LDB2: variants seen among roughly 807,000 people sequenced by gnomAD.
The protein encoded by LDB2 is LIM domain-binding protein 2.
In LDB2, 12 loss-of-function variants were observed where a neutral mutation model predicts 44.3. The observed-to-expected ratio is 0.27, with a 90% confidence interval of 0.17 to 0.44. The LOEUF is 0.44. Ranked by LOEUF, LDB2 falls within the 20% of genes least tolerant of loss-of-function variation. LDB2 has a pLI of 1.00. For missense variants in LDB2, 344 were observed against 473.5 expected (o/e 0.73, Z 2.54); for synonymous variants, 164 against 174.8 (o/e 0.94, Z 0.49).
In LDB2 at chr4:16,662,663, T is replaced by C. The variant is rs200987246; in HGVS notation, c.236-66788A>G. ...TTTTTTTTTTGGGTGTGTGCTGTTC[T>C]CATGATAGTGAATAAGTCTCATGTG... On this transcript the variant is annotated intron_variant, in intron 2 of 7. Coordinates refer to ENST00000304523, the MANE Select transcript of LDB2 (RefSeq NM_001290.5). Among the ~76,000 whole-genome samples, 59 of 152,208 alleles carry C rather than the reference T, an allele frequency of 3.9e-4. No homozygotes were observed. In the East Asian group the frequency reaches 0.011, roughly 28 times the overall value.
intron 5 of LDB2, among the ~76,000 whole-genome samples, chr4:16,562,050 T>C (rs896440562): frequency 5.9e-5 from 9 of 152,076 alleles, no homozygotes; most frequent in Admixed American, 1.3e-4. Context: ...CTTCCTTACA[T>C]CTTATACAAA....
chr4:16,759,443 C>A (rs1767403897), intron 1 of LDB2, 183 bp from the exon 2 acceptor site: 2 of 561,366 alleles, frequency 3.6e-6, no homozygotes, highest in South Asian at 2.4e-5. Context: ...CAAATAGGAA[C>A]CAAATTCCAA....
At chr4:16,563,615 A>AT (rs1272116766) in intron 5 of LDB2, among the ~76,000 whole-genome samples, 3,169 of 135,998 alleles carry the variant, frequency 0.023, 56 homozygotes, top group East Asian at 0.089. Flanking sequence ...CGCCTGGCTA[A>AT]TTTTTTTTTT....
chr4:16,614,842 G>A lies in LDB2; in HGVS notation c.236-18967C>T, dbSNP rs545739673. Among the ~76,000 whole-genome samples, 53 of 151,040 alleles carry A rather than the reference G, an allele frequency of 3.5e-4. No individual in the cohort carries two copies. In the South Asian group the frequency reaches 8.2e-3, roughly 23 times the overall value. On this transcript the variant is annotated intron_variant, in intron 2 of 7. Coordinates refer to ENST00000304523, the MANE Select transcript of LDB2 (RefSeq NM_001290.5). ...TCCCAGCACTTTGGGAGGCCGAGGC[G>A]GGCGGATCATGAGGTCAGGAGATCG... is the stretch of plus-strand genomic sequence containing the variant.
At chr4:16,689,877 T>G (rs1750213943) in intron 2 of LDB2, among the ~76,000 whole-genome samples, 1 of 152,216 alleles carries the variant, frequency 6.6e-6, no homozygotes, top group Non-Finnish European at 1.5e-5. Context: ...TCTTAGAAAC[T>G]TCTAAGAATA....
At chr4:16,707,117 C>G (rs1754777233) in intron 2 of LDB2, among the ~76,000 whole-genome samples, 1 of 152,070 alleles carries the variant, frequency 6.6e-6, no homozygotes, top group Non-Finnish European at 1.5e-5. Flanking sequence ...AATTTGGGAA[C>G]AGAAGCTACA....
chr4:16,565,022 T>C (rs1387114165), intron 5 of LDB2, among the ~76,000 whole-genome samples: 1 of 152,218 alleles, frequency 6.6e-6, no homozygotes, highest in African/African-American at 2.4e-5. Context: ...TAAATAAATA[T>C]CAGCAGTAAT....
chr4:16,769,152 C>A (rs184020364), intron 1 of LDB2, among the ~76,000 whole-genome samples: 1 of 152,150 alleles, frequency 6.6e-6, no homozygotes, highest in Admixed American at 6.5e-5. Flanking sequence ...CTATGGAATT[C>A]GGCTTGAAGA....
intron 2 of LDB2, among the ~76,000 whole-genome samples, chr4:16,693,442 G>T (rs914313591): frequency 7.1e-6 from 1 of 141,322 alleles, no homozygotes; most frequent in Non-Finnish European, 1.5e-5. Flanking sequence ...CGCAACCTCC[G>T]CCTCCTGGGT....
At chr4:16,715,385 C>A (rs141398578) in intron 2 of LDB2, among the ~76,000 whole-genome samples, 1,669 of 152,260 alleles carry the variant, frequency 0.011, 31 homozygotes, top group African/African-American at 0.037. Context: ...TGAATAAATG[C>A]TTGAAATGTC....
chr4:16,813,533 T>C (rs1780309023), intron 1 of LDB2, among the ~76,000 whole-genome samples: 1 of 152,162 alleles, frequency 6.6e-6, no homozygotes, highest in Non-Finnish European at 1.5e-5. Flanking sequence ...TCAATTCCAT[T>C]CATCAAACAC....
At chr4:16,511,957 A>G (rs762730067) in intron 6 of LDB2, 24 bp downstream of exon 6, 3 of 1,604,024 alleles carry the variant, frequency 1.9e-6, no homozygotes, top group Non-Finnish European at 1.7e-6. Flanking sequence ...GTGTTTAGAG[A>G]GAGAGTGAAG....
At chr4:16,635,131 C>T (rs755041002) in intron 2 of LDB2, among the ~76,000 whole-genome samples, 7 of 151,916 alleles carry the variant, frequency 4.6e-5, no homozygotes, top group Admixed American at 1.3e-4. Context: ...TCACACACCA[C>T]GGCCTGTCAG....
intron 5 of LDB2, among the ~76,000 whole-genome samples, chr4:16,539,707 C>T (rs1261853502): frequency 1.3e-5 from 2 of 151,952 alleles, no homozygotes; most frequent in African/African-American, 4.8e-5. Flanking sequence ...ATCTAGAGTC[C>T]AAAACTCCAC....
intron 4 of LDB2, 151 bp downstream of exon 4, chr4:16,588,559 T>C (rs995740489): frequency 2.0e-5 from 15 of 741,276 alleles, no homozygotes; most frequent in Non-Finnish European, 2.5e-5. Flanking sequence ...ATTAAAACCG[T>C]TGAGAACAAA....
At chr4:16,614,593 A>C (rs201943432) in intron 2 of LDB2, among the ~76,000 whole-genome samples, 81 of 137,420 alleles carry the variant, frequency 5.9e-4, no homozygotes, top group African/African-American at 1.9e-3. Context: ...AAAAAAAAAA[A>C]AAAAAAAACA....
At chr4:16,878,085 T>C (rs1718961518) in intron 1 of LDB2, among the ~76,000 whole-genome samples, 1 of 152,076 alleles carries the variant, frequency 6.6e-6, no homozygotes, top group Non-Finnish European at 1.5e-5. Flanking sequence ...ATGAAGATAT[T>C]GTAAAAGTTA....
At chr4:16,847,595 ATGTTTGTT>A (rs77897455) in intron 1 of LDB2, among the ~76,000 whole-genome samples, 57 of 141,804 alleles carry the variant, frequency 4.0e-4, no homozygotes, top group East Asian at 2.1e-3. Flanking sequence ...TCTTTAACAC[ATGTTTGTT>A]TGTTTGTTTG....
intron 2 of LDB2, among the ~76,000 whole-genome samples, chr4:16,708,676 C>T (rs1275864674): frequency 1.3e-5 from 2 of 152,100 alleles, no homozygotes; most frequent in Admixed American, 1.3e-4. Context: ...CTTCATCACA[C>T]AACTTAGAGT....
Sources: gnomAD v4.1 joint callset for allele counts (sites outside exome capture counted in the v4.1 genomes callset) on GRCh38, gnomAD v4.1.1 for gene constraint, MANE v1.5 for transcripts, NCBI Gene and HGNC (gene_info 2026-07-23, HGNC 2026-07-21) for gene names.